The following DEUP1 variants were observed in gnomAD, a reference collection of about 807,000 sequenced individuals.
DEUP1 encodes deuterosome assembly protein 1.
Under a neutral mutation model 87.4 loss-of-function variants are expected in DEUP1, and 82 were observed. The ratio of observed to expected loss-of-function variants is 0.94; its 90% CI spans 0.78 to 1.13. The LOEUF (loss-of-function observed/expected upper bound fraction) is 1.13, where lower values mean the gene tolerates loss of function less well. Ranked by LOEUF, DEUP1 falls within the 50% of genes most tolerant of loss-of-function variation. DEUP1 has a pLI of 0.00. For missense variants in DEUP1, 663 were observed against 681.5 expected (o/e 0.97, Z 0.30); for synonymous variants, 214 against 222.7 (o/e 0.96, Z 0.35).
intron 12 of DEUP1, among the ~76,000 whole-genome samples, chr11:93,411,873 C>T (rs1023530644): frequency 1.3e-5 from 2 of 152,122 alleles, no homozygotes; most frequent in Non-Finnish European, 2.9e-5. Context: ...TTAAGAGTTT[C>T]TAATACTAAA....
Position 93,355,478 on chromosome 11 carries a change from G to C in DEUP1, c.137G>C (p.Arg46Pro), listed in dbSNP as rs757502099. Residue 46 changes from arginine (R) to proline (P), a missense_variant, in exon 3 of 14, where the codon CGA becomes CCA. Coordinates refer to ENST00000298050, the MANE Select transcript of DEUP1 (RefSeq NM_181645.4). The stretch of plus-strand genomic sequence containing the variant: ...AGAAAGATGCGGGCTTTGGAGACAC[G>C]ATTAGATCTTCGGGATCAAGAATTG... The part of the protein sequence containing the change: ...WERKMRALET[R>P]LDLRDQELAN... 1 of 1,613,818 alleles carries C rather than the reference G, an allele frequency of 6.2e-7. No individual in the cohort carries two copies. The highest frequency in any genetic ancestry group is 2.2e-5 in the East Asian group (1 of 44,840).
At chr11:93,368,898 T>C (rs1945559676) in intron 5 of DEUP1, among the ~76,000 whole-genome samples, 1 of 151,876 alleles carries the variant, frequency 6.6e-6, no homozygotes, top group Non-Finnish European at 1.5e-5. Context: ...ATCGTGCCAC[T>C]GCACTCCAGC....
In DEUP1 at chr11:93,430,784, G is replaced by A. The variant is rs60673001; in HGVS notation, c.1639-6759G>A. On this transcript the variant is annotated intron_variant, in intron 13 of 13. Transcript: ENST00000298050. ...ACAAGAGGAGAAAAATTAATGATTG[G>A]AAATAAATGAACAAATAAGAAAATA... Among the ~76,000 whole-genome samples, 1,152 of 152,192 alleles carry A rather than the reference G, an allele frequency of 7.6e-3. 15 individuals carry two copies. Among genetic ancestry groups the A allele is most frequent in the African/African-American group, 0.027 (1,111 of 41,534 alleles).
At chr11:93,396,707 G>A (rs116672500) in intron 11 of DEUP1, among the ~76,000 whole-genome samples, 1 of 152,154 alleles carries the variant, frequency 6.6e-6, no homozygotes, top group Admixed American at 6.6e-5. Flanking sequence ...CATTTAGTTC[G>A]TATTTTGTTC....
In DEUP1 at chr11:93,396,281, C is replaced by T; in HGVS notation, c.1282C>T (p.His428Tyr). 6.3e-7 allele frequency: 1 copy of T among 1,587,114 alleles called. No individual in the cohort carries two copies. Among genetic ancestry groups the T allele is most frequent in the Non-Finnish European group, 8.6e-7 (1 of 1,166,090 alleles). The change falls in exon 11 of 14, where the codon CAT (histidine) becomes TAT (tyrosine). Residue 428 changes from histidine (H) to tyrosine (Y), a missense_variant. Transcript: ENST00000298050. ...KYKAVRTENTHLKGMMGDLDP... is the reference protein window; with the variant it reads ...KYKAVRTENTYLKGMMGDLDP... ...TAAAGCTGTCAGAACTGAAAACACA[C>T]ATCTAAAAGGAATGATGGGAGATTT...
intron 2 of DEUP1, among the ~76,000 whole-genome samples, chr11:93,343,975 C>G (rs1039025650): frequency 3.9e-4 from 59 of 152,100 alleles, no homozygotes; most frequent in African/African-American, 1.3e-3. Flanking sequence ...TTCAATGCTG[C>G]TAAGTTAGCA....
At chr11:93,429,118 A>C (rs1312310380) in intron 13 of DEUP1, among the ~76,000 whole-genome samples, 1 of 152,102 alleles carries the variant, frequency 6.6e-6, no homozygotes, top group Non-Finnish European at 1.5e-5. Flanking sequence ...TCTTGATATA[A>C]GCCCTTTGTT....
chr11:93,437,856 G>T lies in DEUP1; in HGVS notation c.*137G>T. ...TTGAGTAAATAATTTCCGTAAGGCA[G>T]CTAGAAAATAGTAAGTATTTTGTTC... On this transcript the variant is annotated 3_prime_UTR_variant, in exon 14 of 14. Transcript: ENST00000298050. 1.7e-6 allele frequency: 1 copy of T among 602,934 alleles called. No individual in the cohort carries two copies. Among genetic ancestry groups the T allele is most frequent in the Non-Finnish European group, 3.0e-6 (1 of 336,934 alleles). 37.3% of individuals were successfully genotyped at this position (602,934 alleles called of 1,614,324 possible). A position where few individuals can be genotyped will look rare whatever the true frequency, so the allele number is the denominator to read the frequency against.
In DEUP1 at chr11:93,355,351, T is replaced by C; in HGVS notation, c.30-20T>C. On this transcript the variant is annotated intron_variant, in intron 2 of 13. Transcript: ENST00000298050. ...CATTTCACTACTTTAAAATGTATTT[T>C]ACTTTCCTACAATTGCCAGAACTTC... is the stretch of plus-strand genomic sequence containing the variant. 6.2e-7 allele frequency: 1 copy of C among 1,610,428 alleles called. No homozygotes were observed. Among genetic ancestry groups the C allele is most frequent in the Non-Finnish European group, 8.5e-7 (1 of 1,178,668 alleles).
chr11:93,361,472 G>A (rs907717965), intron 4 of DEUP1, among the ~76,000 whole-genome samples: 2 of 152,008 alleles, frequency 1.3e-5, no homozygotes, highest in African/African-American at 4.8e-5. Context: ...ATATGTACAG[G>A]AAACACTAAG....
At chr11:93,381,780 G>A (rs780090892) in intron 7 of DEUP1, among the ~76,000 whole-genome samples, 2 of 151,904 alleles carry the variant, frequency 1.3e-5, no homozygotes, top group African/African-American at 2.4e-5. Flanking sequence ...CCTACTAGCC[G>A]AATTAAAAGA....
intron 13 of DEUP1, among the ~76,000 whole-genome samples, chr11:93,420,009 T>G (rs1271884648): frequency 6.6e-6 from 1 of 152,136 alleles, no homozygotes; most frequent in East Asian, 1.9e-4. Flanking sequence ...GTACCCTTCC[T>G]TCTGAAACCA....
intron 2 of DEUP1, among the ~76,000 whole-genome samples, chr11:93,338,391 A>G (rs1363276546): frequency 6.6e-6 from 1 of 150,846 alleles, no homozygotes; most frequent in Non-Finnish European, 1.5e-5. Context: ...ACATAGGGTA[A>G]TTATGCAGTC....
At chr11:93,348,810 C>A (rs1468571003) in intron 2 of DEUP1, among the ~76,000 whole-genome samples, 2 of 152,110 alleles carry the variant, frequency 1.3e-5, no homozygotes, top group Admixed American at 6.6e-5. Flanking sequence ...TATTAGTGCT[C>A]CTTTCACTTT....
At chr11:93,416,638 C>T (rs1361663588) in intron 13 of DEUP1, among the ~76,000 whole-genome samples, 1 of 151,642 alleles carries the variant, frequency 6.6e-6, no homozygotes, top group Non-Finnish European at 1.5e-5. Context: ...GAAACTATTC[C>T]AATCAATAGA....
Position 93,394,481 on chromosome 11 carries a change from T to TGG in DEUP1, c.1065_1066dup (p.Glu356GlyfsTer12). On this transcript the variant is annotated frameshift_variant, in exon 10 of 14. Transcript: ENST00000298050. LOFTEE classifies it high-confidence loss of function. ...CAGATAAGAAGCCAACTCCAACAGG[T>TGG]GGAAGAGTACCATAACTCTGAGCAG... is the stretch of plus-strand genomic sequence containing the variant. 1 of 1,585,832 alleles carries TGG rather than the reference T, an allele frequency of 6.3e-7. No individual in the cohort carries two copies. Among genetic ancestry groups the TGG allele is most frequent in the Non-Finnish European group, 8.6e-7 (1 of 1,168,640 alleles).
At chr11:93,435,676 C>T (rs1948221524) in intron 13 of DEUP1, among the ~76,000 whole-genome samples, 1 of 152,190 alleles carries the variant, frequency 6.6e-6, no homozygotes, top group African/African-American at 2.4e-5. Context: ...ACAGCTCTTT[C>T]TTTCCAGAGT....
chr11:93,356,369 A>C (rs910751193), intron 3 of DEUP1, among the ~76,000 whole-genome samples: 5 of 152,200 alleles, frequency 3.3e-5, no homozygotes, highest in Non-Finnish European at 7.3e-5. Flanking sequence ...GAGGTAGGTC[A>C]TCAAAACATG....
Position 93,394,443 on chromosome 11 carries a change from T to C in DEUP1, c.1042-16T>C. 6.6e-7 allele frequency: 1 copy of C among 1,517,726 alleles called. No homozygotes were observed. Among genetic ancestry groups the C allele is most frequent in the Non-Finnish European group, 8.8e-7 (1 of 1,135,096 alleles). The allele number at this position is 1,517,726 out of a possible 1,614,324, so 94.0% of individuals were successfully genotyped here. A position where few individuals can be genotyped will look rare whatever the true frequency, so the allele number is the denominator to read the frequency against. On this transcript the variant is annotated splice_polypyrimidine_tract_variant and intron_variant, in intron 9 of 13. Transcript: ENST00000298050. Reference sequence around the variant, plus strand: ...TAAAAGGATTCAATAATATTTCCAGTCTCTATCTGCTGCAGATAAGAAGCC... The same window carrying C: ...TAAAAGGATTCAATAATATTTCCAGCCTCTATCTGCTGCAGATAAGAAGCC...
Sources: gnomAD v4.1 joint callset for allele counts (sites outside exome capture counted in the v4.1 genomes callset) on GRCh38, gnomAD v4.1.1 for gene constraint, MANE v1.5 for transcripts, NCBI Gene and HGNC (gene_info 2026-07-23, HGNC 2026-07-21) for gene names.